Variants in CCM2L observed in about 807,000 individuals in gnomAD.
CCM2L encodes CCM2 like scaffold protein, also known as cerebral cavernous malformations 2 protein-like.
A neutral mutation model predicts 54.1 loss-of-function variants in CCM2L; 36 were observed. The ratio of observed to expected loss-of-function variants is 0.67; its 90% confidence interval spans 0.51 to 0.88. The LOEUF (loss-of-function observed/expected upper bound fraction) is 0.88. CCM2L is among the 40% of genes least tolerant of loss of function. The pLI is 0.00. For missense variants in CCM2L, 700 were observed against 812.1 expected (o/e 0.86, Z 1.68); for synonymous variants, 351 against 359.3 (o/e 0.98, Z 0.26).
At chr20:32,028,931 C>T in intron 7 of CCM2L, 64 bp from the exon 8 acceptor site, 1 of 1,603,022 alleles carries the variant, frequency 6.2e-7, no homozygotes, top group South Asian at 1.1e-5. Context: ...CTCCTACCTT[C>T]AGCCTGCCTG....
chr20:32,018,593 C>T (rs1321147560), intron 4 of CCM2L, among the ~76,000 whole-genome samples: 1 of 151,742 alleles, frequency 6.6e-6, no homozygotes, highest in East Asian at 1.9e-4. Flanking sequence ...AGGGGGCGGT[C>T]CCTGAAACCC....
intron 6 of CCM2L, among the ~76,000 whole-genome samples, chr20:32,023,434 T>C (rs1405952639): frequency 6.6e-6 from 1 of 152,238 alleles, no homozygotes; most frequent in Non-Finnish European, 1.5e-5. Context: ...GAGCCATTGG[T>C]CCCACTAGGA....
rs1448728182 is a variant in CCM2L at position 32,031,265 on chromosome 20, C to T, written c.1667C>T (p.Pro556Leu). The change falls in exon 10 of 10, where the codon CCC (proline) becomes CTC (leucine). Residue 556 changes from proline (P) to leucine (L), a missense_variant. Coordinates refer to ENST00000452892, the MANE Select transcript of CCM2L (RefSeq NM_001365692.1). Reference sequence around the variant, plus strand: ...GACGACGACGACGACGAGGATGAGCCCCGGGGCTCCAGGGGCGGGAGCGAC... The same window carrying T: ...GACGACGACGACGACGAGGATGAGCTCCGGGGCTCCAGGGGCGGGAGCGAC... Reference protein sequence around the residue: ...PDDDDDDEDEPRGSRGGSDAA... With the variant: ...PDDDDDDEDELRGSRGGSDAA... 1 of 1,295,970 alleles carries T rather than the reference C, an allele frequency of 7.7e-7. No individual in the cohort carries two copies. Among genetic ancestry groups the T allele is most frequent in the Non-Finnish European group, 1.0e-6 (1 of 988,274 alleles). The allele number at this position is 1,295,970 out of a possible 1,614,324, so 80.3% of individuals were successfully genotyped here.
rs913987764 is a variant in CCM2L, at chr20:32,031,288, G to A, written c.1690G>A (p.Asp564Asn). ...GCCCCGGGGCTCCAGGGGCGGGAGC[G>A]ACGCCGCAGAAGACAACTACCTGTA... ...DEPRGSRGGS[D>N]AAEDNYL Residue 564 changes from aspartate (D) to asparagine (N), a missense_variant, in exon 10 of 10, where the codon GAC becomes AAC. Asp to Asn is a conservative substitution (Grantham distance 23, BLOSUM62 1). Transcript: ENST00000452892. 3 of 1,288,078 alleles carry A rather than the reference G, an allele frequency of 2.3e-6. No individual in the cohort carries two copies. Among genetic ancestry groups the A allele is most frequent in the African/African-American group, 1.5e-5 (1 of 65,360 alleles). The allele number at this position is 1,288,078 out of a possible 1,614,324, so 79.8% of individuals were successfully genotyped here. A position where few individuals can be genotyped will look rare whatever the true frequency, so the allele number is the denominator to read the frequency against.
intron 2 of CCM2L, among the ~76,000 whole-genome samples, chr20:32,016,949 G>A (rs2064746035): frequency 6.6e-6 from 1 of 151,894 alleles, no homozygotes; most frequent in South Asian, 2.1e-4. Flanking sequence ...GGAGTTTGAG[G>A]GCAGCCTGGC....
chr20:32,011,955 A>T (rs2064699044), intron 1 of CCM2L, among the ~76,000 whole-genome samples: 1 of 151,644 alleles, frequency 6.6e-6, no homozygotes, highest in African/African-American at 2.4e-5. Flanking sequence ...CATAGCCGGC[A>T]TTCAAGATAT....
At chr20:32,025,525 C>CCAAAGTGCTGGGATTA (rs1261181347) in intron 6 of CCM2L, among the ~76,000 whole-genome samples, 1 of 152,164 alleles carries the variant, frequency 6.6e-6, no homozygotes. Context: ...CCTTGGCCTC[C>CCAAAGTGCTGGGATTA]CAAAGTGCTG....
chr20:32,019,520 C>T lies in CCM2L; in HGVS notation c.933+111C>T, dbSNP rs542645253. The T allele has an allele frequency of 9.4e-4, 667 of 706,068 alleles. 8 individuals are homozygous for T. The South Asian group carries it at 0.016, about 17-fold the overall frequency. 43.7% of individuals were successfully genotyped at this position (706,068 alleles called of 1,614,324 possible). A position where few individuals can be genotyped will look rare whatever the true frequency, so the allele number is the denominator to read the frequency against. On this transcript the variant is annotated intron_variant, in intron 5 of 9. Coordinates refer to ENST00000452892, the MANE Select transcript of CCM2L (RefSeq NM_001365692.1). The stretch of plus-strand genomic sequence containing the variant: ...GGTTCCTAGGATCTGCCCCTGCCTT[C>T]TCCCTGCACCTGCCCCACCTAATGG...
intron 2 of CCM2L, among the ~76,000 whole-genome samples, chr20:32,016,906 G>T (rs2064745762): frequency 6.6e-6 from 1 of 152,090 alleles, no homozygotes; most frequent in Non-Finnish European, 1.5e-5. Context: ...CCAGCACTTT[G>T]GGAGGCTGAG....
chr20:32,030,759 C>T (rs1297473706), intron 9 of CCM2L, among the ~76,000 whole-genome samples: 3 of 149,944 alleles, frequency 2.0e-5, no homozygotes, highest in South Asian at 2.1e-4. Context: ...CTCTTGAACC[C>T]GGGAGGCAGA....
chr20:32,027,417 A>T (rs2064872852), intron 7 of CCM2L, among the ~76,000 whole-genome samples: 1 of 152,250 alleles, frequency 6.6e-6, no homozygotes, highest in Non-Finnish European at 1.5e-5. Flanking sequence ...TGTTCTATAA[A>T]GCACTTTATT....
intron 8 of CCM2L, among the ~76,000 whole-genome samples, 178 bp from the exon 9 acceptor site, chr20:32,029,521 TC>T (rs890039737): frequency 6.6e-5 from 10 of 152,062 alleles, no homozygotes; most frequent in African/African-American, 2.4e-4. Context: ...GCAGCTTGAG[TC>T]CACATCCTAT....
rs1210522934 is a variant in CCM2L, at chr20:32,025,794, G to A, written c.1070-62G>A. ...CTGAGACTGAGGGTGGGGCCTCAGG[G>A]AGCAGGGGATGCTGATCCCTGCTTT... On this transcript the variant is annotated intron_variant, in intron 6 of 9. Coordinates refer to ENST00000452892, the MANE Select transcript of CCM2L (RefSeq NM_001365692.1). 3.4e-6 allele frequency: 4 copies of A among 1,177,092 alleles called. No homozygotes were observed. The African/African-American group carries it at 6.3e-5, about 19-fold the overall frequency. The allele number at this position is 1,177,092 out of a possible 1,614,324, so 72.9% of individuals were successfully genotyped here. A position where few individuals can be genotyped will look rare whatever the true frequency, so the allele number is the denominator to read the frequency against.
intron 7 of CCM2L, chr20:32,028,708 G>A (rs552707593): frequency 1.4e-4 from 62 of 439,896 alleles, no homozygotes; most frequent in Non-Finnish European, 2.2e-4. Context: ...CTGTGCAAAA[G>A]GGAGGGGAAA....
Position 32,018,965 on chromosome 20 carries a change from G to A in CCM2L, c.489G>A (p.Pro163=). The A allele has an allele frequency of 7.1e-7, 1 of 1,402,158 alleles. No individual in the cohort carries two copies. The highest frequency in any genetic ancestry group is 1.5e-5 in the South Asian group (1 of 66,344). The allele number at this position is 1,402,158 out of a possible 1,614,324, so 86.9% of individuals were successfully genotyped here. ...LKTGLGVDPV[P]AGVDASPGGA... ...TAGGTCTGGGTGTGGACCCGGTGCC[G>A]GCCGGCGTGGATGCCAGCCCAGGCG... Residue 163 remains proline, a synonymous_variant, in exon 5 of 10, where the codon CCG becomes CCA. Transcript: ENST00000452892.
At chr20:32,026,426 T>C (rs2064861233) in intron 7 of CCM2L, among the ~76,000 whole-genome samples, 1 of 152,118 alleles carries the variant, frequency 6.6e-6, no homozygotes, top group Non-Finnish European at 1.5e-5. Context: ...GAGATGGTGG[T>C]TGTAGCTCCA....
At chr20:32,017,704 T>A (rs1187444279) in intron 2 of CCM2L, 96 bp from the exon 3 acceptor site, 8 of 968,678 alleles carry the variant, frequency 8.3e-6, no homozygotes, top group Non-Finnish European at 1.3e-5. Flanking sequence ...TATTTCTATC[T>A]CAATCTATCC....
At chr20:32,028,693 G>A in intron 7 of CCM2L, 1 of 397,462 alleles carries the variant, frequency 2.5e-6, no homozygotes. Context: ...ATGAGTAAGA[G>A]TTAGCTGTGC....
intron 2 of CCM2L, among the ~76,000 whole-genome samples, chr20:32,016,657 C>T (rs374126477): frequency 1.3e-5 from 2 of 151,998 alleles, no homozygotes; most frequent in Non-Finnish European, 2.9e-5. Context: ...CTCCAGCCCC[C>T]CCACGCCCGC....
Sources: gnomAD v4.1 joint callset for allele counts (sites outside exome capture counted in the v4.1 genomes callset) on GRCh38, gnomAD v4.1.1 for gene constraint, MANE v1.5 for transcripts, NCBI Gene and HGNC (gene_info 2026-07-23, HGNC 2026-07-21) for gene names.